KCNMA1: variants seen among roughly 807,000 people sequenced by gnomAD.
KCNMA1 encodes the protein Calcium-activated potassium channel subunit alpha-1.
KCNMA1 carries 29 observed loss-of-function variants against 140.0 expected under a neutral mutation model. That is an observed-to-expected ratio of 0.21 (90% CI 0.15 to 0.28). The LOEUF (loss-of-function observed/expected upper bound fraction) is 0.28, where lower values mean the gene tolerates loss of function less well. KCNMA1 is among the 10% of genes least tolerant of loss of function. The pLI, the probability that KCNMA1 is intolerant of heterozygous loss-of-function variation, is 1.00. For missense variants in KCNMA1, 880 were observed against 1,602.2 expected, an observed-to-expected ratio of 0.55 and a Z score of 7.70; for synonymous variants, 612 against 611.9, an observed-to-expected ratio of 1.00 and a Z score of 0.00.
chr10:77,163,849 G>A (rs2098600988), intron 5 of KCNMA1, among the ~76,000 whole-genome samples: 1 of 152,126 alleles, frequency 6.6e-6, no homozygotes, highest in South Asian at 2.1e-4. Context: ...AGAATGACCT[G>A]TGACATGTGT....
At chr10:77,191,783 G>A (rs947002567) in intron 3 of KCNMA1, among the ~76,000 whole-genome samples, 7 of 152,068 alleles carry the variant, frequency 4.6e-5, no homozygotes, top group Non-Finnish European at 1.0e-4. Flanking sequence ...ATAGAAAACA[G>A]TTTTTGTTAC....
Position 77,027,835 on chromosome 10 carries a change from T to C in KCNMA1, c.1916A>G (p.Asn639Ser). The C allele has an allele frequency of 6.2e-7, 1 of 1,613,938 alleles. No individual in the cohort carries two copies. Among genetic ancestry groups the C allele is most frequent in the Non-Finnish European group, 8.5e-7 (1 of 1,179,926 alleles). The stretch of plus-strand genomic sequence containing the variant: ...ACCGCAAACTTACCGGCTCTCTCGG[T>C]TGGCAGACTTGTACTCAATGGCTAT... ...LMIAIEYKSANRESRILINPG... is the reference protein window; with the variant it reads ...LMIAIEYKSASRESRILINPG... Residue 639 changes from asparagine (N) to serine (S), a missense_variant, in exon 16 of 28, where the codon AAC becomes AGC. Around this residue, in one of 13 missense-constraint regions of KCNMA1, gnomAD observed 196 missense variants for 233.0 expected, o/e 0.84. Transcript: ENST00000286628.
chr10:76,943,873 G>A (rs2063239019), intron 23 of KCNMA1, among the ~76,000 whole-genome samples: 1 of 152,146 alleles, frequency 6.6e-6, no homozygotes, highest in South Asian at 2.1e-4. Flanking sequence ...TATCAATAAG[G>A]TGATGCTTCA....
rs7909335 is a variant in KCNMA1 at position 77,028,963 on chromosome 10, A to G, written c.1860-1072T>C. On this transcript the variant is annotated intron_variant, in intron 15 of 27. Transcript: ENST00000286628. ...TAGAAAACAACCTAAATGTCCAATA[A>G]TAAGGCCATAAAGTACAGTGCAATA... Among the ~76,000 whole-genome samples the G allele has an allele frequency of 9.2e-3, 1,402 of 152,326 alleles. 19 individuals carry two copies. The highest frequency in any genetic ancestry group is 0.032 in the African/African-American group (1,336 of 41,572).
At chr10:76,961,666 T>C (rs1383450639) in intron 20 of KCNMA1, among the ~76,000 whole-genome samples, 1 of 152,140 alleles carries the variant, frequency 6.6e-6, no homozygotes. Context: ...TTTAAGAAAT[T>C]GTCGCAGCCA....
At chr10:77,334,761 T>C (rs2088125678) in intron 2 of KCNMA1, among the ~76,000 whole-genome samples, 2 of 152,130 alleles carry the variant, frequency 1.3e-5, no homozygotes, top group East Asian at 1.9e-4. Flanking sequence ...GAGAGCTATA[T>C]AGCTAATTTA....
chr10:76,878,120 T>C (rs1460502924), intron 29 of KCNMA1, among the ~76,000 whole-genome samples: 1 of 152,132 alleles, frequency 6.6e-6, no homozygotes, highest in East Asian at 1.9e-4. Flanking sequence ...CTGGGACTCA[T>C]AGGCACCATG....
chr10:76,988,747 A>G (rs907110627), intron 19 of KCNMA1, among the ~76,000 whole-genome samples: 1 of 152,132 alleles, frequency 6.6e-6, no homozygotes, highest in Non-Finnish European at 1.5e-5. Context: ...AAGGGGTTTC[A>G]GGGGGATGAG....
At chr10:77,152,183 T>C (rs899508345) in intron 5 of KCNMA1, among the ~76,000 whole-genome samples, 1 of 152,126 alleles carries the variant, frequency 6.6e-6, no homozygotes. Flanking sequence ...GCTAAATAAA[T>C]GTGTTGTGAA....
rs533002869 is a variant in KCNMA1 at position 77,332,311 on chromosome 10, G to A, written c.540+71551C>T. Among the ~76,000 whole-genome samples, 9 of 152,280 alleles carry A rather than the reference G, an allele frequency of 5.9e-5. No homozygotes were observed. The South Asian group carries it at 1.7e-3, about 28-fold the overall frequency. On this transcript the variant is annotated intron_variant, in intron 2 of 27. Coordinates refer to ENST00000286628, the MANE Select transcript of KCNMA1 (RefSeq NM_001161352.2). ...AGCAAAAAATCCATTTGTAAACAGA[G>A]CTTGGGGACCTCAGTGCTGCCACTG... is the stretch of plus-strand genomic sequence containing the variant.
chr10:77,274,311 C>G (rs1256015242), intron 2 of KCNMA1, among the ~76,000 whole-genome samples: 1 of 152,098 alleles, frequency 6.6e-6, no homozygotes, highest in African/African-American at 2.4e-5. Flanking sequence ...GGGTCCTAAA[C>G]AAATCCCCTC....
intron 23 of KCNMA1, among the ~76,000 whole-genome samples, chr10:76,923,726 G>A (rs1348832340): frequency 6.6e-6 from 1 of 152,178 alleles, no homozygotes; most frequent in African/African-American, 2.4e-5. Flanking sequence ...GCTCATGCCT[G>A]TAATCCCAGT....
rs10563488 is a variant in KCNMA1, at chr10:76,970,329, GAAA to G, written c.2267-265_2267-263del. 0.038 allele frequency: 7,099 copies of G among 186,316 alleles called. 49 individuals carry two copies. The highest frequency in any genetic ancestry group is 0.057 in the African/African-American group (2,144 of 37,580). The allele number at this position is 186,316 out of a possible 1,614,324, so 11.5% of individuals were successfully genotyped here. ...ACAGTTTGTAAACACCCTGCCATAA[GAAA>G]AAAAAAAAAAAAAAAGAAATCATGA... On this transcript the variant is annotated intron_variant, in intron 19 of 27. Coordinates refer to ENST00000286628, the MANE Select transcript of KCNMA1 (RefSeq NM_001161352.2).
intron 1 of KCNMA1, among the ~76,000 whole-genome samples, chr10:77,555,303 A>T (rs183239077): frequency 3.0e-3 from 452 of 152,326 alleles, no homozygotes; most frequent in Non-Finnish European, 5.4e-3. Flanking sequence ...TTTCAGCCCA[A>T]GTCAAACTCC....
Position 77,172,246 on chromosome 10 carries a change from G to A in KCNMA1, c.808+11175C>T, listed in dbSNP as rs560734642. On this transcript the variant is annotated intron_variant, in intron 5 of 27. Transcript: ENST00000286628. ...AGGAGGCTGTTCCAATAATACCCCA[G>A]ATGAAGTACAGCCATCTGGAGAGGT... 5.3e-5 allele frequency among the ~76,000 whole-genome samples: 8 copies of A among 152,276 alleles called. No homozygotes were observed. In the East Asian group the frequency reaches 9.6e-4, roughly 18 times the overall value.
intron 1 of KCNMA1, among the ~76,000 whole-genome samples, chr10:77,589,413 C>A (rs866800698): frequency 6.6e-6 from 1 of 152,142 alleles, no homozygotes; most frequent in South Asian, 2.1e-4. Flanking sequence ...AGTCTTCCAA[C>A]TGCACAAACA....
intron 1 of KCNMA1, among the ~76,000 whole-genome samples, chr10:77,494,622 C>A: frequency 6.6e-6 from 1 of 152,274 alleles, no homozygotes; most frequent in East Asian, 1.9e-4. Flanking sequence ...GGAGGTCATA[C>A]GTGTGATTCT....
intron 18 of KCNMA1, among the ~76,000 whole-genome samples, chr10:77,009,476 A>T (rs2090151920): frequency 6.6e-6 from 1 of 152,204 alleles, no homozygotes; most frequent in Non-Finnish European, 1.5e-5. Context: ...CAAGAGTCAG[A>T]GAAGTTCTCA....
chr10:77,357,600 C>A (rs2093606449), intron 2 of KCNMA1, among the ~76,000 whole-genome samples: 1 of 152,294 alleles, frequency 6.6e-6, no homozygotes, highest in African/African-American at 2.4e-5. Flanking sequence ...TCTAGCAAAG[C>A]TTTCTGCTTC....
Sources: gnomAD v4.1 joint callset for allele counts (sites outside exome capture counted in the v4.1 genomes callset) on GRCh38, gnomAD v4.1.1 for gene constraint, gnomAD v4.1.1 regional missense constraint, MANE v1.5 for transcripts, NCBI Gene and HGNC (gene_info 2026-07-23, HGNC 2026-07-21) for gene names.